Variants in ILRUN observed in about 807,000 individuals in gnomAD.
ILRUN encodes the protein inflammation and lipid regulator with UBA-like and NBR1-like domains, also known as protein ILRUN.
Under a neutral mutation model 33.8 loss-of-function variants are expected in ILRUN, and 3 were observed. That is an observed-to-expected ratio of 0.09 (90% CI 0.04 to 0.23). The LOEUF (loss-of-function observed/expected upper bound fraction) is 0.23. ILRUN is among the 10% of genes least tolerant of loss of function. ILRUN has a pLI of 1.00. For synonymous variants in ILRUN, 124 were observed against 138.9 expected (o/e 0.89, Z 0.75); for missense variants, 210 against 375.1 (o/e 0.56, Z 3.64).
chr6:34,673,832 TACACACACACACAC>T (rs71000079), intron 1 of ILRUN, among the ~76,000 whole-genome samples: 2 of 111,204 alleles, frequency 1.8e-5, no homozygotes, highest in Non-Finnish European at 3.8e-5. Flanking sequence ...AACAACCACA[TACACACACACACAC>T]ACACACACAC....
chr6:34,694,641 C>T (rs1458990611), intron 1 of ILRUN, among the ~76,000 whole-genome samples: 1 of 152,142 alleles, frequency 6.6e-6, no homozygotes, highest in Non-Finnish European at 1.5e-5. Flanking sequence ...ATTCTAAAGA[C>T]TATCTCCTGC....
chr6:34,631,178 T>C (rs1762236752), intron 3 of ILRUN, among the ~76,000 whole-genome samples: 1 of 152,186 alleles, frequency 6.6e-6, no homozygotes, highest in African/African-American at 2.4e-5. Context: ...TATACCCTGC[T>C]GAAAGGTAGA....
chr6:34,621,550 T>A (rs2127340418), intron 3 of ILRUN, among the ~76,000 whole-genome samples: 1 of 152,218 alleles, frequency 6.6e-6, no homozygotes, highest in Non-Finnish European at 1.5e-5. Context: ...ACTAACTTAT[T>A]CCTGATGTCA....
chr6:34,618,240 C>T (rs1197071426), intron 3 of ILRUN, among the ~76,000 whole-genome samples: 1 of 152,138 alleles, frequency 6.6e-6, no homozygotes, highest in African/African-American at 2.4e-5. Context: ...AAGACAAGTA[C>T]AAAGTTAAGA....
At chr6:34,604,054 G>A (rs939544571) in intron 4 of ILRUN, among the ~76,000 whole-genome samples, 1 of 152,292 alleles carries the variant, frequency 6.6e-6, no homozygotes, top group Non-Finnish European at 1.5e-5. Context: ...TGGCATCTAA[G>A]TTTCACATTT....
At position 34,680,180 on chromosome 6, in the gene ILRUN, C is replaced by T. The variant is rs181485793; in HGVS notation, c.158+16266G>A. On this transcript the variant is annotated intron_variant, in intron 1 of 4. Coordinates refer to ENST00000374023, the MANE Select transcript of ILRUN (RefSeq NM_024294.4). Reference sequence around the variant, plus strand: ...TATTTAACCTCTCTAAGCCTCTTTTCCTTTTGTAAAAAATGAGGATGACAA... The same window carrying T: ...TATTTAACCTCTCTAAGCCTCTTTTTCTTTTGTAAAAAATGAGGATGACAA... 2.8e-4 allele frequency among the ~76,000 whole-genome samples: 43 copies of T among 152,282 alleles called. 1 individual carries two copies. The highest frequency in any genetic ancestry group is 2.0e-3 in the Admixed American group (31 of 15,292).
intron 1 of ILRUN, among the ~76,000 whole-genome samples, chr6:34,655,412 T>C (rs185215456): frequency 7.4e-4 from 113 of 152,378 alleles, no homozygotes; most frequent in African/African-American, 2.5e-3. Flanking sequence ...AACTTTCTTA[T>C]ACACATTCAA....
At chr6:34,648,983 G>A (rs1008672210) in intron 2 of ILRUN, among the ~76,000 whole-genome samples, 1 of 152,196 alleles carries the variant, frequency 6.6e-6, no homozygotes, top group Non-Finnish European at 1.5e-5. Context: ...AAGGAGTGCT[G>A]CTACATTCCA....
In ILRUN at chr6:34,592,539, A is replaced by G. The variant is rs1348645470; in HGVS notation, c.862-1939T>C. 6.6e-6 allele frequency among the ~76,000 whole-genome samples: 1 copy of G among 152,272 alleles called. No homozygotes were observed. The highest frequency in any genetic ancestry group is 1.5e-5 in the Non-Finnish European group (1 of 68,058). On this transcript the variant is annotated intron_variant, in intron 4 of 4. Coordinates refer to ENST00000374023, the MANE Select transcript of ILRUN (RefSeq NM_024294.4). The surrounding 1 kb of genome is among the most constrained non-coding windows in gnomAD (Gnocchi z 4.0). ...AGGGGGGGTCCCATACATCAGAGGT[A>G]TCAAGTTCACGCAAAAGTAATTGCA...
intron 3 of ILRUN, among the ~76,000 whole-genome samples, chr6:34,641,845 A>G (rs1582071061): frequency 6.6e-6 from 1 of 152,284 alleles, no homozygotes; most frequent in Admixed American, 6.5e-5. Flanking sequence ...CATGGTGGGT[A>G]AGCACAAAAT....
At chr6:34,688,188 T>G (rs1763567682) in intron 1 of ILRUN, among the ~76,000 whole-genome samples, 1 of 152,008 alleles carries the variant, frequency 6.6e-6, no homozygotes, top group Non-Finnish European at 1.5e-5. Flanking sequence ...GTGGATCCCT[T>G]AAGCCCAGGA....
At chr6:34,625,999 C>T (rs1374539978) in intron 3 of ILRUN, among the ~76,000 whole-genome samples, 1 of 151,254 alleles carries the variant, frequency 6.6e-6, no homozygotes, top group African/African-American at 2.4e-5. Context: ...TACAGGCACC[C>T]GCCACCACGC....
intron 3 of ILRUN, among the ~76,000 whole-genome samples, chr6:34,632,767 T>C (rs1238440341): frequency 6.6e-6 from 1 of 151,798 alleles, no homozygotes; most frequent in Non-Finnish European, 1.5e-5. Context: ...TTGTTATCTG[T>C]CTGCCTCAGC....
intron 3 of ILRUN, among the ~76,000 whole-genome samples, chr6:34,623,409 G>A (rs1237190443): frequency 2.0e-5 from 3 of 152,022 alleles, no homozygotes; most frequent in Non-Finnish European, 2.9e-5. Context: ...CCCACCCCTG[G>A]TCAGTTTTGA....
At position 34,588,137 on chromosome 6, in the gene ILRUN, C is replaced by A. The variant is rs912267787; in HGVS notation, c.*2428G>T. ...TGGGCTGGGGAAGCCATGGACCCCT[C>A]TGCCTGCACTCCATGACTTGCACTT... On this transcript the variant is annotated 3_prime_UTR_variant, in exon 5 of 5. Transcript: ENST00000374023. 13 of 398,862 alleles carry A rather than the reference C, an allele frequency of 3.3e-5. No individual in the cohort carries two copies. The highest frequency in any genetic ancestry group is 4.4e-5 in the Non-Finnish European group (10 of 226,342). 24.7% of individuals were successfully genotyped at this position (398,862 alleles called of 1,614,324 possible). A position where few individuals can be genotyped will look rare whatever the true frequency, so the allele number is the denominator to read the frequency against.
chr6:34,660,515 G>A (rs1174246648), intron 1 of ILRUN, among the ~76,000 whole-genome samples: 1 of 151,952 alleles, frequency 6.6e-6, no homozygotes, highest in Non-Finnish European at 1.5e-5. Flanking sequence ...CATGTTATCA[G>A]GCATGAACAA....
intron 3 of ILRUN, among the ~76,000 whole-genome samples, chr6:34,614,901 A>C (rs1213282515): frequency 7.2e-5 from 11 of 152,194 alleles, no homozygotes; most frequent in Admixed American, 7.2e-4. Flanking sequence ...AGCTCAGATT[A>C]CATGTCATTC....
chr6:34,632,621 T>C (rs1186480567), intron 3 of ILRUN, among the ~76,000 whole-genome samples: 2 of 149,762 alleles, frequency 1.3e-5, no homozygotes, highest in Non-Finnish European at 3.0e-5. Flanking sequence ...GTTCATGCCA[T>C]TCTCCTGCCT....
chr6:34,661,559 CAG>C (rs937136659), intron 1 of ILRUN, among the ~76,000 whole-genome samples: 91 of 152,190 alleles, frequency 6.0e-4, no homozygotes, highest in African/African-American at 2.1e-3. Context: ...CTCTCTTCAA[CAG>C]AGATAAAAGA....
Sources: allele counts gnomAD v4.1 joint callset (sites outside exome capture counted in the v4.1 genomes callset), GRCh38; gene constraint gnomAD v4.1.1; non-coding constraint Gnocchi (gnomAD v3.1); transcripts MANE v1.5; gene names NCBI Gene and HGNC (gene_info 2026-07-23, HGNC 2026-07-21).